MOB3B: variants seen among roughly 807,000 people sequenced by gnomAD.
The protein encoded by MOB3B is MOB kinase activator 3B, also known as MOB kinase activator-like 2B.
MOB3B carries 7 observed loss-of-function variants against 18.7 expected under a neutral mutation model. The ratio of observed to expected loss-of-function variants is 0.37; its 90% CI spans 0.21 to 0.70. The LOEUF (loss-of-function observed/expected upper bound fraction) is 0.70, where lower values mean the gene tolerates loss of function less well. Among genes scored for constraint, MOB3B ranks in the 30% least tolerant of loss-of-function variants. MOB3B has a pLI of 0.52. For missense variants in MOB3B, 253 were observed against 281.3 expected (o/e 0.90, Z 0.72); for synonymous variants, 111 against 99.9 (o/e 1.11, Z -0.66).
chr9:27,471,575 T>A (rs890149848), intron 1 of MOB3B, among the ~76,000 whole-genome samples: 3 of 152,210 alleles, frequency 2.0e-5, no homozygotes, highest in African/African-American at 7.2e-5. Flanking sequence ...CTATATCACA[T>A]TGCTCAACGT....
At chr9:27,352,226 T>TA (rs1821115902) in intron 3 of MOB3B, among the ~76,000 whole-genome samples, 1 of 151,468 alleles carries the variant, frequency 6.6e-6, no homozygotes, top group South Asian at 2.1e-4. Context: ...ACAAAAAATT[T>TA]AAAAATTAGC....
chr9:27,525,110 C>CCT, intron 1 of MOB3B: 5 of 664,496 alleles, frequency 7.5e-6, no homozygotes, highest in Non-Finnish European at 1.2e-5. Flanking sequence ...ACTCACCTCT[C>CCT]TAAGGAGAGG....
intron 3 of MOB3B, among the ~76,000 whole-genome samples, chr9:27,337,284 T>G (rs998395796): frequency 6.6e-6 from 1 of 152,246 alleles, no homozygotes; most frequent in African/African-American, 2.4e-5. Flanking sequence ...TTCCACTTCT[T>G]AGAGACTTAA....
At chr9:27,439,772 A>G (rs1479753029) in intron 2 of MOB3B, among the ~76,000 whole-genome samples, 1 of 151,048 alleles carries the variant, frequency 6.6e-6, no homozygotes, top group African/African-American at 2.5e-5. Context: ...GAATACTCCT[A>G]TCACAGATGT....
rs144260659 is a variant in MOB3B at position 27,341,332 on chromosome 9, G to A, written c.622-10716C>T. 1.8e-3 allele frequency among the ~76,000 whole-genome samples: 274 copies of A among 152,268 alleles called. 2 individuals carry two copies. Among genetic ancestry groups the A allele is most frequent in the African/African-American group, 6.4e-3 (267 of 41,546 alleles). On this transcript the variant is annotated intron_variant, in intron 3 of 3. Transcript: ENST00000262244. Reference sequence around the variant, plus strand: ...CTAAAGGAAGAATTTACCTCCCCTGGGAAAACAAAGGATTCCATAGAAGCC... The same window carrying A: ...CTAAAGGAAGAATTTACCTCCCCTGAGAAAACAAAGGATTCCATAGAAGCC...
rs180675577 is a variant in MOB3B at position 27,402,258 on chromosome 9, C to T, written c.419-43022G>A. Among the ~76,000 whole-genome samples the T allele has an allele frequency of 7.0e-4, 106 of 152,258 alleles. 1 individual carries two copies. In the East Asian group the frequency reaches 0.018, roughly 26 times the overall value. On this transcript the variant is annotated intron_variant, in intron 2 of 3. Transcript: ENST00000262244. ...AGGCAGGTCATAATGTTATATGCTC[C>T]CCCGATCAGAGGACCTTTATTATAG...
intron 2 of MOB3B, chr9:27,391,760 T>TATC (rs1821731929): frequency 6.6e-6 from 1 of 152,196 alleles, no homozygotes; most frequent in Admixed American, 6.5e-5. Flanking sequence ...AGCTTGGAGG[T>TATC]ATCATATGTT....
intron 2 of MOB3B, among the ~76,000 whole-genome samples, chr9:27,380,822 C>A (rs1430679704): frequency 1.3e-5 from 2 of 150,998 alleles, no homozygotes; most frequent in African/African-American, 4.9e-5. Flanking sequence ...TTAGTTAAAA[C>A]TTATAAAAGG....
intron 3 of MOB3B, among the ~76,000 whole-genome samples, chr9:27,353,160 C>T (rs1281584098): frequency 6.6e-6 from 1 of 152,210 alleles, no homozygotes; most frequent in African/African-American, 2.4e-5. Context: ...CATCTAGGGT[C>T]TTTTCCCTCA....
intron 1 of MOB3B, among the ~76,000 whole-genome samples, chr9:27,467,572 T>C (rs1454631209): frequency 6.6e-6 from 1 of 152,192 alleles, no homozygotes; most frequent in Non-Finnish European, 1.5e-5. Context: ...TCCCCACTCG[T>C]GGTTTGGATG....
chr9:27,326,340 G>C lies in MOB3B; in HGVS notation c.*4247C>G, dbSNP rs1474731930. On this transcript the variant is annotated 3_prime_UTR_variant, in exon 4 of 4. Coordinates refer to ENST00000262244, the MANE Select transcript of MOB3B (RefSeq NM_024761.5). Reference sequence around the variant, plus strand: ...GGGAAAGGAGGCTGAAGCACAACTGGTAATAGCCTTCAGATATTTAATGGA... The same window carrying C: ...GGGAAAGGAGGCTGAAGCACAACTGCTAATAGCCTTCAGATATTTAATGGA... 1 of 396,546 alleles carries C rather than the reference G, an allele frequency of 2.5e-6. No homozygotes were observed. Among genetic ancestry groups the C allele is most frequent in the African/African-American group, 2.1e-5 (1 of 48,566 alleles). 24.6% of individuals were successfully genotyped at this position (396,546 alleles called of 1,614,324 possible). A position where few individuals can be genotyped will look rare whatever the true frequency, so the allele number is the denominator to read the frequency against.
At chr9:27,331,036 G>C (rs913631445) in intron 3 of MOB3B, among the ~76,000 whole-genome samples, 6 of 152,164 alleles carry the variant, frequency 3.9e-5, no homozygotes, top group African/African-American at 1.4e-4. Context: ...GATTTGGACT[G>C]CTAGTTTTCT....
At chr9:27,434,426 A>T (rs1563867701) in intron 2 of MOB3B, among the ~76,000 whole-genome samples, 1 of 151,660 alleles carries the variant, frequency 6.6e-6, no homozygotes. Flanking sequence ...TGTGCCTCAA[A>T]GCTCTGTCCT....
At position 27,524,724 on chromosome 9, in the gene MOB3B, G is replaced by C. The variant is rs187525481; in HGVS notation, c.-199+4831C>G. On this transcript the variant is annotated intron_variant, in intron 1 of 3. Coordinates refer to ENST00000262244, the MANE Select transcript of MOB3B (RefSeq NM_024761.5). Reference sequence around the variant, plus strand: ...AGCAGAGTACCTGAACCAATGCTTGGAGGAAGACAAGAATGAAAATGAAGA... The same window carrying C: ...AGCAGAGTACCTGAACCAATGCTTGCAGGAAGACAAGAATGAAAATGAAGA... 5.6e-6 allele frequency: 9 copies of C among 1,613,958 alleles called. No homozygotes were observed. The Admixed American group carries it at 1.5e-4, about 27-fold the overall frequency.
chr9:27,529,051 C>A (rs922708324), intron 1 of MOB3B, among the ~76,000 whole-genome samples: 21 of 152,118 alleles, frequency 1.4e-4, no homozygotes, highest in Admixed American at 1.4e-3. Context: ...ACCTGGCTGA[C>A]GGTGCGGACT....
At chr9:27,336,040 G>T (rs955809127) in intron 3 of MOB3B, among the ~76,000 whole-genome samples, 1 of 152,200 alleles carries the variant, frequency 6.6e-6, no homozygotes, top group Non-Finnish European at 1.5e-5. Flanking sequence ...AGAGGTGGAA[G>T]GAAACACGCA....
intron 2 of MOB3B, among the ~76,000 whole-genome samples, chr9:27,382,488 C>G (rs1821592145): frequency 6.6e-6 from 1 of 152,064 alleles, no homozygotes; most frequent in African/African-American, 2.4e-5. Context: ...CTTCTCCAAC[C>G]CCCTTCACCC....
chr9:27,497,397 T>G (rs1819918937), intron 1 of MOB3B, among the ~76,000 whole-genome samples: 1 of 152,062 alleles, frequency 6.6e-6, no homozygotes, highest in African/African-American at 2.4e-5. Flanking sequence ...TATAGACATA[T>G]GAAAAGCTTT....
In MOB3B at chr9:27,489,741, C is replaced by CTTTTTTTTTTTTTTTTTTTT. The variant is rs66757462; in HGVS notation, c.-198-33994_-198-33993insAAAAAAAAAAAAAAAAAAAA. Among the ~76,000 whole-genome samples the CTTTTTTTTTTTTTTTTTTTT allele has an allele frequency of 7.2e-3, 525 of 73,108 alleles. 119 individuals are homozygous for CTTTTTTTTTTTTTTTTTTTT. The highest frequency in any genetic ancestry group is 8.9e-3 in the Admixed American group (39 of 4,390). The allele number at this position is 73,108 out of a possible 152,430, so 48.0% of individuals were successfully genotyped here. ...ACATCACACCAGATAAGGAAATAAT[C>CTTTTTTTTTTTTTTTTTTTT]TTTTTTTTTTTTTGGTCCAACAGGG... is the stretch of plus-strand genomic sequence containing the variant. On this transcript the variant is annotated intron_variant, in intron 1 of 3. Transcript: ENST00000262244.
Sources: gnomAD v4.1 joint callset for allele counts (sites outside exome capture counted in the v4.1 genomes callset) on GRCh38, gnomAD v4.1.1 for gene constraint, MANE v1.5 for transcripts, NCBI Gene and HGNC (gene_info 2026-07-23, HGNC 2026-07-21) for gene names.